Variants in DST observed in about 807,000 individuals in gnomAD.
DST encodes dystonin, also known as bullous pemphigoid antigen.
In DST, 253 loss-of-function variants were observed where a neutral mutation model predicts 875.2. The ratio of observed to expected loss-of-function variants is 0.29; its 90% CI spans 0.26 to 0.32. DST has a LOEUF of 0.32. Ranked by LOEUF, DST falls within the 10% of genes least tolerant of loss-of-function variation. The probability of loss-of-function intolerance (pLI) is 1.00; values close to 1 mark genes in which losing one functional copy is unlikely to be tolerated. For missense variants in DST, 8,287 were observed against 9,111.6 expected, an observed-to-expected ratio of 0.91 and a Z score of 3.68; for synonymous variants, 3,124 against 3,197.1, an observed-to-expected ratio of 0.98 and a Z score of 0.77.
chr6:56,914,015 T>C (rs1432412662), intron 2 of DST, among the ~76,000 whole-genome samples: 1 of 152,238 alleles, frequency 6.6e-6, no homozygotes, highest in African/African-American at 2.4e-5. Context: ...AGCCACTGAA[T>C]GACAGCAGAC....
chr6:56,501,666 G>C lies in DST; in HGVS notation c.19594C>G (p.Gln6532Glu), dbSNP rs2152458955. 1 of 1,603,878 alleles carries C rather than the reference G, an allele frequency of 6.2e-7. No individual in the cohort carries two copies. The highest frequency in any genetic ancestry group is 1.3e-5 in the African/African-American group (1 of 74,396). The change falls in exon 79 of 104, where the codon CAG (glutamine) becomes GAG (glutamate). Residue 6532 changes from glutamine (Q) to glutamate (E), a missense_variant. Physicochemically the swap from Gln to Glu is conservative, Grantham distance 29. Transcript: ENST00000680361. ...KQFKSEAYQQQIEMERLNHQA... is the reference protein window; with the variant it reads ...KQFKSEAYQQEIEMERLNHQA... ...TGATTCAGTCTTTCCATTTCTATCTGCTGTTGATAGGCCTCAGACTTAAAT... is the reference window on the plus strand; with the variant it reads ...TGATTCAGTCTTTCCATTTCTATCTCCTGTTGATAGGCCTCAGACTTAAAT...
At chr6:56,583,350 T>G (rs573225800) in intron 49 of DST, among the ~76,000 whole-genome samples, 4 of 152,360 alleles carry the variant, frequency 2.6e-5, no homozygotes, top group Non-Finnish European at 5.9e-5. Context: ...TGGCCAGTGA[T>G]GATGAGCGTT....
At chr6:56,927,520 G>A (rs553600446) in intron 2 of DST, among the ~76,000 whole-genome samples, 42 of 152,270 alleles carry the variant, frequency 2.8e-4, no homozygotes, top group African/African-American at 9.6e-4. Context: ...ATATCAGCAA[G>A]TAGAATCAGT....
rs13207768 is a variant in DST, at chr6:56,851,277, C to T, written c.625+120G>A. 3.4e-5 allele frequency: 30 copies of T among 892,386 alleles called. No homozygotes were observed. In the South Asian group the frequency reaches 4.9e-4, roughly 14 times the overall value. The allele number at this position is 892,386 out of a possible 1,614,324, so 55.3% of individuals were successfully genotyped here. A position where few individuals can be genotyped will look rare whatever the true frequency, so the allele number is the denominator to read the frequency against. On this transcript the variant is annotated intron_variant, in intron 4 of 103. Coordinates refer to ENST00000680361, the MANE Select transcript of DST (RefSeq NM_001374736.1). The stretch of plus-strand genomic sequence containing the variant: ...AGTAAACATGGTCATCATCCTCCCC[C>T]ACCTTGAGCACAGATTCCTGCCCAG...
At chr6:56,664,977 A>G (rs997448610) in intron 10 of DST, among the ~76,000 whole-genome samples, 1 of 152,202 alleles carries the variant, frequency 6.6e-6, no homozygotes, top group Non-Finnish European at 1.5e-5. Context: ...ATTTAAATAG[A>G]AGCTATAGAA....
chr6:56,555,774 T>A lies in DST; in HGVS notation c.14707A>T (p.Ile4903Phe). 6.3e-7 allele frequency: 1 copy of A among 1,577,306 alleles called. No homozygotes were observed. Among genetic ancestry groups the A allele is most frequent in the Non-Finnish European group, 8.6e-7 (1 of 1,156,712 alleles). ...GGGTCTTCTCCAGGCCTGCTCAGAA[T>A]GCCCTGACCAGCTGCTGTCAGCTGT... ...YEQLTAAGQGILSRPGEDPSL... is the reference protein window; with the variant it reads ...YEQLTAAGQGFLSRPGEDPSL... Residue 4903 changes from isoleucine (I) to phenylalanine (F), a missense_variant, in exon 60 of 104, where the codon ATT (isoleucine) becomes TTT (phenylalanine). By Grantham distance (21) the Ile-to-Phe change is conservative. Transcript: ENST00000680361.
chr6:56,706,956 G>C (rs1237912132), intron 5 of DST, among the ~76,000 whole-genome samples: 4 of 152,232 alleles, frequency 2.6e-5, no homozygotes, highest in African/African-American at 9.6e-5. Context: ...AGTGAGCCGA[G>C]ATCATGCCAC....
chr6:56,950,246 G>T (rs1048948984), intron 2 of DST, among the ~76,000 whole-genome samples: 3 of 152,114 alleles, frequency 2.0e-5, no homozygotes, highest in African/African-American at 7.2e-5. Context: ...GGTAGATATA[G>T]AACACACTCT....
At chr6:56,921,785 G>A (rs1043374421) in intron 2 of DST, among the ~76,000 whole-genome samples, 5 of 151,796 alleles carry the variant, frequency 3.3e-5, no homozygotes, top group South Asian at 2.1e-4. Flanking sequence ...GAAGACTACC[G>A]GCAGAAAAGG....
Position 56,553,638 on chromosome 6 carries a change from G to A in DST, c.15154C>T (p.Leu5052Phe). The A allele has an allele frequency of 6.2e-7, 1 of 1,612,778 alleles. No individual in the cohort carries two copies. The highest frequency in any genetic ancestry group is 8.5e-7 in the Non-Finnish European group (1 of 1,179,676). Residue 5052 changes from leucine (L) to phenylalanine (F), a missense_variant, in exon 61 of 104, where the codon CTT becomes TTT. Transcript: ENST00000680361. ...TGAGAGCTTGCACAGGCCGACTGAA[G>A]GTGCTGGACATGATTCTCTAGAAAT... ...EQKAENHVQH[L>F]QSACASSHQF... is the part of the protein sequence containing the mutation.
At chr6:56,740,778 C>T (rs1219377317) in intron 4 of DST, among the ~76,000 whole-genome samples, 1 of 152,012 alleles carries the variant, frequency 6.6e-6, no homozygotes, top group Non-Finnish European at 1.5e-5. Flanking sequence ...ACATTTTCAG[C>T]AGTGATGTTC....
chr6:56,936,569 T>G (rs1368413450), intron 2 of DST, among the ~76,000 whole-genome samples: 1 of 152,184 alleles, frequency 6.6e-6, no homozygotes, highest in Non-Finnish European at 1.5e-5. Flanking sequence ...TCATTTTTTT[T>G]TCTTTTCTCA....
chr6:56,799,565 T>C (rs984151621), intron 4 of DST, among the ~76,000 whole-genome samples: 1 of 150,074 alleles, frequency 6.7e-6, no homozygotes. Flanking sequence ...AAGGCTCAGA[T>C]GACCTTCAGC....
chr6:56,649,491 T>C (rs2098962245), intron 12 of DST, among the ~76,000 whole-genome samples: 1 of 152,052 alleles, frequency 6.6e-6, no homozygotes, highest in Non-Finnish European at 1.5e-5. Context: ...GGCAAGCATA[T>C]CTGTGCCTTA....
At chr6:56,553,821 G>A (rs1281282415) in intron 60 of DST, among the ~76,000 whole-genome samples, 166 bp from the exon 61 acceptor site, 2 of 152,064 alleles carry the variant, frequency 1.3e-5, no homozygotes, top group South Asian at 2.1e-4. Flanking sequence ...TTGACAAAGG[G>A]GAAAAGAAGC....
intron 17 of DST, among the ~76,000 whole-genome samples, chr6:56,641,449 G>A (rs2098900792): frequency 6.6e-6 from 1 of 152,074 alleles, no homozygotes; most frequent in South Asian, 2.1e-4. Flanking sequence ...TTAGCCAGGT[G>A]TGGTGGCGGG....
rs2152794431 is a variant in DST, at chr6:56,648,671, T to A, written c.1453A>T (p.Ile485Phe). Residue 485 changes from isoleucine to phenylalanine, a missense_variant, in exon 13 of 104, where the codon ATT becomes TTT. This residue lies in a region of DST where 1,160 missense variants were observed against 1,424.3 expected (regional missense o/e 0.81). Coordinates refer to ENST00000680361, the MANE Select transcript of DST (RefSeq NM_001374736.1). ...IGANDVEVKW[I>F]EYQNMVNYLI... ...TAGTTCACCATATTCTGGTATTCAA[T>A]CCATTTGACTTCAACATCCTAGAAC... 1 of 1,574,774 alleles carries A rather than the reference T, an allele frequency of 6.4e-7. No individual in the cohort carries two copies. The highest frequency in any genetic ancestry group is 8.6e-7 in the Non-Finnish European group (1 of 1,157,582).
intron 36 of DST, among the ~76,000 whole-genome samples, chr6:56,622,358 C>G (rs2098697353): frequency 6.6e-6 from 1 of 151,980 alleles, no homozygotes; most frequent in Non-Finnish European, 1.5e-5. Flanking sequence ...ATCATGAGGT[C>G]AGGAGTTCAA....
chr6:56,927,923 G>A (rs1592597837), intron 2 of DST, among the ~76,000 whole-genome samples: 1 of 152,276 alleles, frequency 6.6e-6, no homozygotes, highest in East Asian at 1.9e-4. Context: ...AGTTTGAGGG[G>A]TTCCAAAGGA....
Sources: allele counts gnomAD v4.1 joint callset (sites outside exome capture counted in the v4.1 genomes callset), GRCh38; gene constraint gnomAD v4.1.1; regional missense constraint gnomAD v4.1.1; transcripts MANE v1.5; gene names NCBI Gene and HGNC (gene_info 2026-07-23, HGNC 2026-07-21).